CAMTA1: variants seen among roughly 807,000 people sequenced by gnomAD.
The protein encoded by CAMTA1 is calmodulin-binding transcription activator 1.
A neutral mutation model predicts 170.9 loss-of-function variants in CAMTA1; 27 were observed. The ratio of observed to expected loss-of-function variants is 0.16; its 90% CI spans 0.12 to 0.22. The LOEUF (loss-of-function observed/expected upper bound fraction) is 0.22, where lower values mean the gene tolerates loss of function less well. Among genes scored for constraint, CAMTA1 ranks in the 10% least tolerant of loss-of-function variants. CAMTA1 has a pLI of 1.00. For missense variants in CAMTA1, 1,619 were observed against 2,217.2 expected, an observed-to-expected ratio of 0.73 and a Z score of 5.42; for synonymous variants, 833 against 891.5, an observed-to-expected ratio of 0.93 and a Z score of 1.17.
At chr1:7,531,549 G>A (rs1040364215) in intron 6 of CAMTA1, among the ~76,000 whole-genome samples, 6 of 152,228 alleles carry the variant, frequency 3.9e-5, no homozygotes, top group Admixed American at 1.3e-4. Flanking sequence ...GAGATCTCCA[G>A]GAAGGAGATC....
rs1336430845 is a variant in CAMTA1, at chr1:7,766,595, A to G, written c.*104A>G. On this transcript the variant is annotated 3_prime_UTR_variant, in exon 23 of 23. Transcript: ENST00000303635. Reference sequence around the variant, plus strand: ...AACAACAACACACACGCACACACGCACACACACACACGTACACACACATAC... The same window carrying G: ...AACAACAACACACACGCACACACGCGCACACACACACGTACACACACATAC... The G allele has an allele frequency of 8.0e-6, 7 of 871,856 alleles. No homozygotes were observed. The highest frequency in any genetic ancestry group is 5.7e-5 in the Admixed American group (3 of 52,290). The allele number at this position is 871,856 out of a possible 1,614,324, so 54.0% of individuals were successfully genotyped here.
chr1:7,082,635 G>C (rs562810863), intron 3 of CAMTA1, among the ~76,000 whole-genome samples: 1 of 152,252 alleles, frequency 6.6e-6, no homozygotes, highest in African/African-American at 2.4e-5. Context: ...TCTATTCCTT[G>C]TCCTGCGGAC....
intron 11 of CAMTA1, among the ~76,000 whole-genome samples, chr1:7,702,444 C>T (rs1453673393): frequency 6.6e-6 from 1 of 152,190 alleles, no homozygotes; most frequent in African/African-American, 2.4e-5. Context: ...TGAACTGGAT[C>T]CAAATCACCA....
chr1:7,022,718 A>C (rs1701535044), intron 3 of CAMTA1, among the ~76,000 whole-genome samples: 1 of 152,006 alleles, frequency 6.6e-6, no homozygotes, highest in Non-Finnish European at 1.5e-5. Context: ...GTTCTTGGAG[A>C]ATATTGGGCA....
At chr1:7,398,933 C>T (rs1275522250) in intron 5 of CAMTA1, among the ~76,000 whole-genome samples, 1 of 152,102 alleles carries the variant, frequency 6.6e-6, no homozygotes, top group Non-Finnish European at 1.5e-5. Flanking sequence ...TTACCCTAAC[C>T]ACTCCCCCAT....
At chr1:6,867,829 TGG>T (rs959388146) in intron 3 of CAMTA1, among the ~76,000 whole-genome samples, 3 of 151,920 alleles carry the variant, frequency 2.0e-5, no homozygotes, top group Non-Finnish European at 4.4e-5. Flanking sequence ...CCCCAGAGAC[TGG>T]GTCTTGCTCT....
At chr1:6,990,119 A>G (rs1473976979) in intron 3 of CAMTA1, among the ~76,000 whole-genome samples, 2 of 152,218 alleles carry the variant, frequency 1.3e-5, no homozygotes, top group African/African-American at 2.4e-5. Flanking sequence ...TCCTGCCCGT[A>G]ATGAAATTGG....
intron 1 of CAMTA1, among the ~76,000 whole-genome samples, chr1:6,794,168 T>C (rs1641882788): frequency 6.6e-6 from 1 of 152,216 alleles, no homozygotes; most frequent in Non-Finnish European, 1.5e-5. Flanking sequence ...ATGGGGACGC[T>C]TAGAGGACAA....
intron 5 of CAMTA1, among the ~76,000 whole-genome samples, chr1:7,335,120 G>A: frequency 9.7e-6 from 1 of 103,284 alleles, no homozygotes; most frequent in Non-Finnish European, 2.0e-5. Context: ...TGGCAGCACA[G>A]CTTTTGTGTG....
intron 6 of CAMTA1, among the ~76,000 whole-genome samples, chr1:7,636,378 C>T (rs2095712298): frequency 2.0e-5 from 3 of 152,198 alleles, no homozygotes; most frequent in Admixed American, 1.3e-4. Flanking sequence ...GATGAAGAAC[C>T]AGCCTTGCAT....
chr1:7,468,306 G>A (rs780311477), intron 6 of CAMTA1, among the ~76,000 whole-genome samples: 4 of 152,250 alleles, frequency 2.6e-5, no homozygotes, highest in Non-Finnish European at 5.9e-5. Context: ...ACAGGCTCCC[G>A]GAGGTTGCCA....
intron 5 of CAMTA1, among the ~76,000 whole-genome samples, chr1:7,417,713 C>T (rs1482542036): frequency 6.6e-6 from 1 of 152,202 alleles, no homozygotes; most frequent in African/African-American, 2.4e-5. Context: ...CTCCCTGACC[C>T]CTTGTACTTC....
At chr1:7,306,995 C>A (rs975476027) in intron 5 of CAMTA1, among the ~76,000 whole-genome samples, 6 of 151,796 alleles carry the variant, frequency 4.0e-5, no homozygotes, top group African/African-American at 1.5e-4. Context: ...AAATACTATA[C>A]CATTTTATAT....
intron 3 of CAMTA1, among the ~76,000 whole-genome samples, chr1:6,948,322 G>A (rs1045188669): frequency 1.3e-5 from 2 of 152,162 alleles, no homozygotes; most frequent in African/African-American, 4.8e-5. Context: ...GACATTTAGA[G>A]TTTAGTGAGA....
At chr1:7,001,046 T>A (rs940358765) in intron 3 of CAMTA1, among the ~76,000 whole-genome samples, 1 of 152,242 alleles carries the variant, frequency 6.6e-6, no homozygotes, top group Non-Finnish European at 1.5e-5. Flanking sequence ...GTTATATTTT[T>A]AATTTCTTTA....
intron 6 of CAMTA1, among the ~76,000 whole-genome samples, chr1:7,632,723 T>C (rs955297273): frequency 6.6e-6 from 1 of 152,232 alleles, no homozygotes; most frequent in Non-Finnish European, 1.5e-5. Flanking sequence ...GATCCACCCC[T>C]GGAAGCGGCC....
chr1:7,657,036 G>A (rs1278736134), intron 7 of CAMTA1, among the ~76,000 whole-genome samples: 4 of 152,196 alleles, frequency 2.6e-5, no homozygotes, highest in East Asian at 1.9e-4. Flanking sequence ...TGCAGTCCCC[G>A]GCCTGTGTTT....
intron 5 of CAMTA1, among the ~76,000 whole-genome samples, chr1:7,357,222 C>T (rs2085186480): frequency 6.6e-6 from 1 of 152,234 alleles, no homozygotes. Flanking sequence ...GGATGCCCCG[C>T]CCTCCCATTT....
chr1:7,679,322 G>A (rs2096159778), intron 11 of CAMTA1, among the ~76,000 whole-genome samples: 1 of 152,206 alleles, frequency 6.6e-6, no homozygotes, highest in Admixed American at 6.5e-5. Context: ...ACCCTGCCTG[G>A]CAGATGGAGC....
Sources: allele counts gnomAD v4.1 joint callset (sites outside exome capture counted in the v4.1 genomes callset), GRCh38; gene constraint gnomAD v4.1.1; transcripts MANE v1.5; gene names NCBI Gene and HGNC (gene_info 2026-07-23, HGNC 2026-07-21).